CRB1: variants seen among roughly 807,000 people sequenced by gnomAD.
CRB1 encodes the protein crumbs cell polarity complex component 1, also known as protein crumbs homolog 1.
Under a neutral mutation model 120.0 loss-of-function variants are expected in CRB1, and 83 were observed. The observed-to-expected ratio is 0.69, with a 90% CI of 0.58 to 0.83. The LOEUF (loss-of-function observed/expected upper bound fraction) is 0.83, where lower values mean the gene tolerates loss of function less well. Ranked by LOEUF, CRB1 falls within the 40% of genes least tolerant of loss-of-function variation. The pLI is 0.00. For synonymous variants in CRB1, 625 were observed against 612.5 expected (o/e 1.02, Z -0.30); for missense variants, 1,699 against 1,687.6 (o/e 1.01, Z -0.12).
At chr1:197,474,538 T>C (rs947252118) in intron 11 of CRB1, among the ~76,000 whole-genome samples, 1 of 152,214 alleles carries the variant, frequency 6.6e-6, no homozygotes, top group African/African-American at 2.4e-5. Flanking sequence ...TCAACCTGAA[T>C]TGAGGTACTA....
the CRB1 span, among the ~76,000 whole-genome samples, chr1:197,237,132 GA>G: frequency 0.021 from 3,008 of 145,758 alleles, 43 homozygotes; most frequent in African/African-American, 0.032. Flanking sequence ...GAAATTATCA[GA>G]AAAAAAAAAG....
At chr1:197,429,382 T>C in intron 7 of CRB1, 67 bp from the exon 8 acceptor site, 1 of 1,563,784 alleles carries the variant, frequency 6.4e-7, no homozygotes, top group Non-Finnish European at 8.8e-7. Context: ...GATATGTGGT[T>C]TCACCGTCAA....
At chr1:197,214,405 C>T in the CRB1 span, among the ~76,000 whole-genome samples, 1 of 151,912 alleles carries the variant, frequency 6.6e-6, no homozygotes, top group East Asian at 1.9e-4. Flanking sequence ...GATGCAAAAC[C>T]TTCTTATATG....
intron 1 of CRB1, among the ~76,000 whole-genome samples, chr1:197,286,076 A>G (rs1655807765): frequency 6.6e-6 from 1 of 151,788 alleles, no homozygotes; most frequent in South Asian, 2.1e-4. Context: ...CTAGCTTCTT[A>G]GCCCCTTCAT....
At chr1:197,244,713 T>C in the CRB1 span, among the ~76,000 whole-genome samples, 5 of 152,038 alleles carry the variant, frequency 3.3e-5, no homozygotes, top group African/African-American at 1.2e-4. Flanking sequence ...TTCCAAATTG[T>C]GATGCTTCCA....
At chr1:197,250,773 C>T in the CRB1 span, among the ~76,000 whole-genome samples, 3 of 151,996 alleles carry the variant, frequency 2.0e-5, no homozygotes, top group Non-Finnish European at 4.4e-5. Flanking sequence ...CTTCCTAGGA[C>T]AGTAGCTTAC....
At chr1:197,445,150 G>A (rs1259559945) in intron 11 of CRB1, among the ~76,000 whole-genome samples, 2 of 152,146 alleles carry the variant, frequency 1.3e-5, no homozygotes, top group Admixed American at 1.3e-4. Context: ...GTTCTAAAGA[G>A]GGGCTGTTTT....
At position 197,442,249 on chromosome 1, in the gene CRB1, G is replaced by C. The variant is rs769995341; in HGVS notation, c.3962G>C (p.Cys1321Ser). 5 of 1,614,206 alleles carry C rather than the reference G, an allele frequency of 3.1e-6. No homozygotes were observed. The South Asian group carries it at 5.5e-5, about 18-fold the overall frequency. The change falls in exon 11 of 12, where the codon TGC becomes TCC. Residue 1321 changes from cysteine (C) to serine (S), a missense_variant. By Grantham distance (112) the Cys-to-Ser change is moderately radical (BLOSUM62 -1). Transcript: ENST00000367400. ...LCQDLLNKFQ[C>S]LCDVAFAGER... ...CAGGACTTACTCAACAAATTCCAGT[G>C]CCTCTGTGATGTTGCCTTTGCTGGC...
At chr1:197,425,584 C>T (rs75443654) in intron 6 of CRB1, among the ~76,000 whole-genome samples, 4 of 152,136 alleles carry the variant, frequency 2.6e-5, no homozygotes, top group African/African-American at 7.2e-5. Flanking sequence ...TCAATGCTTT[C>T]TAGACTGCAA....
At chr1:197,294,726 A>G (rs1656413912) in intron 1 of CRB1, among the ~76,000 whole-genome samples, 1 of 152,198 alleles carries the variant, frequency 6.6e-6, no homozygotes, top group African/African-American at 2.4e-5. Flanking sequence ...CTATGCAGCC[A>G]TAAAAAAGGT....
intron 11 of CRB1, among the ~76,000 whole-genome samples, chr1:197,450,957 C>CAAAAAAAAAAAAAAAAAAAAA (rs11288525): frequency 3.5e-5 from 2 of 56,628 alleles, no homozygotes; most frequent in Non-Finnish European, 3.0e-5. Flanking sequence ...GACTCCGTCC[C>CAAAAAAAAAAAAAAAAAAAAA]AAAAAAAAAA....
At chr1:197,393,007 G>A (rs573385205) in intron 5 of CRB1, among the ~76,000 whole-genome samples, 3 of 152,112 alleles carry the variant, frequency 2.0e-5, no homozygotes, top group Non-Finnish European at 2.9e-5. Context: ...TTGTATGAAT[G>A]CATATACTGT....
At chr1:197,283,226 C>T (rs1655632499) in intron 1 of CRB1, among the ~76,000 whole-genome samples, 1 of 151,518 alleles carries the variant, frequency 6.6e-6, no homozygotes, top group African/African-American at 2.4e-5. Flanking sequence ...TGGAGGGAAA[C>T]ATTTTAGAAT....
chr1:197,217,136 A>G, the CRB1 span, among the ~76,000 whole-genome samples: 1 of 152,318 alleles, frequency 6.6e-6, no homozygotes, highest in South Asian at 2.1e-4. Context: ...AAAGATGCTC[A>G]ATATTGTTAG....
chr1:197,203,203 TAATATA>T, the CRB1 span, among the ~76,000 whole-genome samples: 4 of 152,186 alleles, frequency 2.6e-5, no homozygotes, highest in Admixed American at 1.3e-4. Flanking sequence ...GAAAATGGCT[TAATATA>T]AATAGAAGCT....
chr1:197,303,301 G>A (rs1380031915), intron 1 of CRB1, among the ~76,000 whole-genome samples: 3 of 92,888 alleles, frequency 3.2e-5, no homozygotes, highest in Non-Finnish European at 5.8e-5. Context: ...CCCCACAACA[G>A]TCCCCAGAGT....
At chr1:197,316,375 G>C (rs1469648883) in intron 1 of CRB1, among the ~76,000 whole-genome samples, 1 of 134,244 alleles carries the variant, frequency 7.4e-6, no homozygotes, top group Non-Finnish European at 1.6e-5. Context: ...TAGTAGATAC[G>C]GGGTTTCACC....
chr1:197,324,878 G>T (rs1001582345), intron 1 of CRB1, among the ~76,000 whole-genome samples: 1 of 151,984 alleles, frequency 6.6e-6, no homozygotes, highest in Non-Finnish European at 1.5e-5. Flanking sequence ...ATATTAAATT[G>T]GCCTCAATTT....
At chr1:197,203,017 T>G in the CRB1 span, among the ~76,000 whole-genome samples, 956 of 151,710 alleles carry the variant, frequency 6.3e-3, 13 homozygotes, top group African/African-American at 0.022. Flanking sequence ...GAGAGAGAGA[T>G]ACAACTGAAT....
Sources: gnomAD v4.1 joint callset for allele counts (sites outside exome capture counted in the v4.1 genomes callset) on GRCh38, gnomAD v4.1.1 for gene constraint, MANE v1.5 for transcripts, NCBI Gene and HGNC (gene_info 2026-07-23, HGNC 2026-07-21) for gene names.